The following MFAP2 variants were observed in gnomAD, a reference collection of about 807,000 sequenced individuals.
MFAP2 encodes the protein microfibrillar-associated protein 2.
A neutral mutation model predicts 30.6 loss-of-function variants in MFAP2; 23 were observed. The observed-to-expected ratio is 0.75, with a 90% CI of 0.54 to 1.07. MFAP2 has a LOEUF of 1.07. Among genes scored for constraint, MFAP2 ranks in the 50% least tolerant of loss-of-function variants. The pLI is 0.00. For synonymous variants in MFAP2, 73 were observed against 85.7 expected (o/e 0.85, Z 0.82); for missense variants, 198 against 223.8 (o/e 0.88, Z 0.74).
rs1224958345 is a variant in MFAP2 at position 16,974,938 on chromosome 1, C to T, written c.534G>A (p.Arg178=). The T allele has an allele frequency of 1.1e-6, 1 of 906,200 alleles. No homozygotes were observed. Among genetic ancestry groups the T allele is most frequent in the Non-Finnish European group, 1.7e-6 (1 of 577,526 alleles). 56.1% of individuals were successfully genotyped at this position (906,200 alleles called of 1,614,324 possible). A position where few individuals can be genotyped will look rare whatever the true frequency, so the allele number is the denominator to read the frequency against. The part of the protein sequence containing the change: ...LCQSVAASCA[R]SCGSC The stretch of plus-strand genomic sequence containing the variant: ...CACCACCCTAGCAGCTCCCACAGCT[C>T]CTGGCACAGGAGGCCGCCACGGATT... The change falls in exon 9 of 9, where the codon AGG becomes AGA. Residue 178 remains arginine, a synonymous_variant. Transcript: ENST00000375535.
Position 16,975,266 on chromosome 1 carries a change from T to A in MFAP2, c.448+3A>T. On this transcript the variant is annotated splice_donor_region_variant and intron_variant, in intron 8 of 8. Transcript: ENST00000375535. This position sits in a 1 kb window ranked among gnomAD's most constrained non-coding sequence, Gnocchi z 5.0. ...GGAGGTCTTGGGGAGGTGGCCTTCC[T>A]ACCTCGGAGGAGCTCCTCATGGGCA... 6.2e-7 allele frequency: 1 copy of A among 1,613,024 alleles called. No homozygotes were observed. Among genetic ancestry groups the A allele is most frequent in the Non-Finnish European group, 8.5e-7 (1 of 1,179,362 alleles).
intron 2 of MFAP2, 87 bp from the exon 3 acceptor site, chr1:16,977,285 C>G (rs1370984203): frequency 9.1e-6 from 12 of 1,324,094 alleles, no homozygotes; most frequent in South Asian, 1.3e-5. Context: ...GCGGGGGTCA[C>G]AAGGTCAGGC....
At position 16,975,011 on chromosome 1, in the gene MFAP2, C is replaced by G. The variant is rs761514757; in HGVS notation, c.461G>C (p.Arg154Pro). 4 of 829,684 alleles carry G rather than the reference C, an allele frequency of 4.8e-6. No individual in the cohort carries two copies. Among genetic ancestry groups the G allele is most frequent in the African/African-American group, 3.4e-5 (2 of 58,870 alleles). 51.4% of individuals were successfully genotyped at this position (829,684 alleles called of 1,614,324 possible). ...CACGCCACATTTGGAGAACTTGTCC[C>G]GACAGAGGTCAGCTATTGGGGGCAG... ...HEELLRADLC[R>P]DKFSKCGVMA... Residue 154 changes from arginine (R) to proline (P), a missense_variant, in exon 9 of 9, where the codon CGG (arginine) becomes CCG (proline). Physicochemically the swap from Arg to Pro is moderately radical, Grantham distance 103. Coordinates refer to ENST00000375535, the MANE Select transcript of MFAP2 (RefSeq NM_002403.4). The surrounding 1 kb of genome is among the most constrained non-coding windows in gnomAD (Gnocchi z 5.0).
chr1:16,976,898 T>G lies in MFAP2; in HGVS notation c.153A>C (p.Gln51His). The change falls in exon 4 of 9, where the codon CAA becomes CAC. Residue 51 changes from glutamine to histidine, a missense_variant and splice_region_variant. Gln to His is a conservative substitution (Grantham distance 24). Transcript: ENST00000375535. The surrounding 1 kb of genome is among the most constrained non-coding windows in gnomAD (Gnocchi z 5.5). Reference sequence around the variant, plus strand: ...CCTATCCTACCCCTAGCCCGTTACCTTGATAATCATAGTAGTCTGGGTTGT... The same window carrying G: ...CCTATCCTACCCCTAGCCCGTTACCGTGATAATCATAGTAGTCTGGGTTGT... ...QIDNPDYYDY[Q>H]EVTPRPSEEQ... The G allele has an allele frequency of 6.2e-7, 1 of 1,614,068 alleles. No individual in the cohort carries two copies. The highest frequency in any genetic ancestry group is 8.5e-7 in the Non-Finnish European group (1 of 1,179,982).
intron 2 of MFAP2, 83 bp from the exon 3 acceptor site, chr1:16,977,281 G>T (rs1349433632): frequency 1.5e-6 from 2 of 1,358,362 alleles, no homozygotes; most frequent in East Asian, 5.0e-5. Context: ...GGAGGCGGGG[G>T]TCACAAGGTC....
Position 16,976,914 on chromosome 1 carries a change from T to G in MFAP2, c.137A>C (p.Asp46Ala), listed in dbSNP as rs756153308. 9 of 1,613,882 alleles carry G rather than the reference T, an allele frequency of 5.6e-6. No individual in the cohort carries two copies. The highest frequency in any genetic ancestry group is 7.6e-6 in the Non-Finnish European group (9 of 1,179,986). ...THYSDQIDNP[D>A]YYDYQEVTPR... The stretch of plus-strand genomic sequence containing the variant: ...CCCGTTACCTTGATAATCATAGTAG[T>G]CTGGGTTGTCTGCAAACAAAGATGA... The change falls in exon 4 of 9, where the codon GAC becomes GCC. Residue 46 changes from aspartate to alanine, a missense_variant. Asp to Ala is a moderately radical substitution (Grantham distance 126, BLOSUM62 -2). Coordinates refer to ENST00000375535, the MANE Select transcript of MFAP2 (RefSeq NM_002403.4). This position sits in a 1 kb window ranked among gnomAD's most constrained non-coding sequence, Gnocchi z 5.5.
Position 16,976,764 on chromosome 1 carries a change from A to C in MFAP2, c.185T>G (p.Phe62Cys). Residue 62 changes from phenylalanine to cysteine, a missense_variant, in exon 5 of 9, where the codon TTC becomes TGC. By Grantham distance (205) the Phe-to-Cys change is radical (BLOSUM62 -2). Coordinates refer to ENST00000375535, the MANE Select transcript of MFAP2 (RefSeq NM_002403.4). The surrounding 1 kb of genome is among the most constrained non-coding windows in gnomAD (Gnocchi z 5.5). ...GACTTGCTGCTGGGACTGGAACTGG[A>C]ACTGTTCCTCGGAGGGCCGAGGAGT... is the stretch of plus-strand genomic sequence containing the variant. ...EVTPRPSEEQ[F>C]QFQSQQQVQQ... 6.2e-7 allele frequency: 1 copy of C among 1,613,750 alleles called. No homozygotes were observed. The highest frequency in any genetic ancestry group is 8.5e-7 in the Non-Finnish European group (1 of 1,179,872).
At chr1:16,980,180 C>G (rs2284746) in intron 1 of MFAP2, among the ~76,000 whole-genome samples, 61,586 of 151,188 alleles carry the variant, frequency 0.41, 14,140 homozygotes, top group Non-Finnish European at 0.52. Context: ...AACAATCAGC[C>G]GCGGAAACTT....
chr1:16,977,482 GAC>G, intron 2 of MFAP2: 1 of 413,612 alleles, frequency 2.4e-6, no homozygotes, highest in East Asian at 4.3e-5. Flanking sequence ...CTTTGCACCT[GAC>G]ACTCCCTGGG....
In MFAP2 at chr1:16,975,117, G is replaced by T; in HGVS notation, c.449-94C>A. ...ACTCTGGTGATGGGAGTGTTTTGAG[G>T]ATGAAAAGTAGCAAGGAGGGGAGCT... On this transcript the variant is annotated intron_variant, in intron 8 of 8. Coordinates refer to ENST00000375535, the MANE Select transcript of MFAP2 (RefSeq NM_002403.4). The surrounding 1 kb of genome is among the most constrained non-coding windows in gnomAD (Gnocchi z 5.0). 1 of 1,348,126 alleles carries T rather than the reference G, an allele frequency of 7.4e-7. No homozygotes were observed. The highest frequency in any genetic ancestry group is 1.0e-6 in the Non-Finnish European group (1 of 961,198). 83.5% of individuals were successfully genotyped at this position (1,348,126 alleles called of 1,614,324 possible).
At position 16,978,117 on chromosome 1, in the gene MFAP2, A is replaced by T. The variant is rs2076608075; in HGVS notation, c.37+120T>A. 22 of 1,131,542 alleles carry T rather than the reference A, an allele frequency of 1.9e-5. No homozygotes were observed. In the South Asian group the frequency reaches 3.4e-4, roughly 17 times the overall value. The allele number at this position is 1,131,542 out of a possible 1,614,324, so 70.1% of individuals were successfully genotyped here. On this transcript the variant is annotated intron_variant, in intron 2 of 8. Coordinates refer to ENST00000375535, the MANE Select transcript of MFAP2 (RefSeq NM_002403.4). ...GTCCAAGCAGGCAGAAGGCCCTGGG[A>T]GCTGGGGAGCTGAGTTCTGGTCATA...
At chr1:16,977,256 G>T (rs2076601326) in intron 2 of MFAP2, 58 bp from the exon 3 acceptor site, 3 of 1,565,336 alleles carry the variant, frequency 1.9e-6, no homozygotes, top group Admixed American at 1.8e-5. Context: ...GGGGCCCGAG[G>T]CGCTTCTGGA....
chr1:16,980,652 AG>A (rs1163804602), upstream of MFAP2: 2 of 151,816 alleles, frequency 1.3e-5, no homozygotes, highest in African/African-American at 4.9e-5. Flanking sequence ...GCCCGCTCCG[AG>A]TCCCCCTCCG....
chr1:16,975,775 GC>G lies in MFAP2; in HGVS notation c.287-46del. On this transcript the variant is annotated intron_variant, in intron 6 of 8. Transcript: ENST00000375535. This position sits in a 1 kb window ranked among gnomAD's most constrained non-coding sequence, Gnocchi z 5.0. ...GACTAGGAGCCCAGAGTGGGGGGCG[GC>G]CCCCAGCCTCACCCACCTGAGGCTG... 1 of 1,558,958 alleles carries G rather than the reference GC, an allele frequency of 6.4e-7. No individual in the cohort carries two copies. The highest frequency in any genetic ancestry group is 8.8e-7 in the Non-Finnish European group (1 of 1,136,554).
rs200127645 is a variant in MFAP2 at position 16,975,725 on chromosome 1, G to A, written c.292C>T (p.Arg98Cys). Residue 98 changes from arginine to cysteine, a missense_variant, in exon 7 of 9, where the codon CGT becomes TGT. By Grantham distance (180) the Arg-to-Cys change is radical. Coordinates refer to ENST00000375535, the MANE Select transcript of MFAP2 (RefSeq NM_002403.4). This position sits in a 1 kb window ranked among gnomAD's most constrained non-coding sequence, Gnocchi z 5.0. ...CGGGTGCACGGGTACTGTTCCTCAC[G>A]GCAGTCTGGTGACAGGTGGGGTCAG... The part of the protein sequence containing the change: ...EPTEPGPLDC[R>C]EEQYPCTRLY... The A allele has an allele frequency of 6.8e-6, 11 of 1,613,014 alleles. No homozygotes were observed. Among genetic ancestry groups the A allele is most frequent in the Admixed American group, 5.0e-5 (3 of 59,904 alleles).
In MFAP2 at chr1:16,975,174, A is replaced by C. The variant is rs1403745467; in HGVS notation, c.448+95T>G. The C allele has an allele frequency of 7.6e-7, 1 of 1,321,326 alleles. No homozygotes were observed. The highest frequency in any genetic ancestry group is 1.9e-5 in the Admixed American group (1 of 53,132). The allele number at this position is 1,321,326 out of a possible 1,614,324, so 81.9% of individuals were successfully genotyped here. A position where few individuals can be genotyped will look rare whatever the true frequency, so the allele number is the denominator to read the frequency against. ...GTCCTGGAAGTGGGCCTGGTGGATA[A>C]TATGTGTTGAATAAACATCAGGTGG... On this transcript the variant is annotated intron_variant, in intron 8 of 8. Transcript: ENST00000375535. The surrounding 1 kb of genome is among the most constrained non-coding windows in gnomAD (Gnocchi z 5.0).
At chr1:16,979,335 C>G (rs897532986) in intron 1 of MFAP2, among the ~76,000 whole-genome samples, 1 of 152,200 alleles carries the variant, frequency 6.6e-6, no homozygotes, top group Non-Finnish European at 1.5e-5. Context: ...GGGCCCCTCC[C>G]GGCTGCAACC....
rs377344921 is a variant in MFAP2, at chr1:16,976,480, A to G, written c.286+21T>C. ...CTTCAGGGCGTGCCTCCATTTTTCC[A>G]GCTGTCAAGAAAGCCCTTACCAAGA... On this transcript the variant is annotated intron_variant, in intron 6 of 8. Transcript: ENST00000375535. The surrounding 1 kb of genome is among the most constrained non-coding windows in gnomAD (Gnocchi z 5.5). The G allele has an allele frequency of 9.9e-6, 16 of 1,613,960 alleles. No homozygotes were observed. Among genetic ancestry groups the G allele is most frequent in the Non-Finnish European group, 6.8e-6 (8 of 1,179,958 alleles).
chr1:16,981,534 C>T (rs2076638119), upstream of MFAP2, among the ~76,000 whole-genome samples: 1 of 152,206 alleles, frequency 6.6e-6, no homozygotes, highest in South Asian at 2.1e-4. Context: ...TCTTTTGTGA[C>T]TCCGTTCACT....
Sources: gnomAD v4.1 joint callset for allele counts (sites outside exome capture counted in the v4.1 genomes callset) on GRCh38, gnomAD v4.1.1 for gene constraint, Gnocchi (gnomAD v3.1) non-coding constraint, MANE v1.5 for transcripts, NCBI Gene and HGNC (gene_info 2026-07-23, HGNC 2026-07-21) for gene names.